CDH13: variants seen among roughly 807,000 people sequenced by gnomAD.
CDH13 encodes the protein cadherin 13, also known as cadherin-13.
A neutral mutation model predicts 63.8 loss-of-function variants in CDH13; 24 were observed. The ratio of observed to expected loss-of-function variants is 0.38; its 90% CI spans 0.27 to 0.53. The LOEUF (loss-of-function observed/expected upper bound fraction) is 0.53, where lower values mean the gene tolerates loss of function less well. Among genes scored for constraint, CDH13 ranks in the 20% least tolerant of loss-of-function variants. CDH13 has a pLI of 0.85. For missense variants in CDH13, 1,049 were observed against 903.1 expected, an observed-to-expected ratio of 1.16 and a Z score of -2.07; for synonymous variants, 503 against 355.3, an observed-to-expected ratio of 1.42 and a Z score of -4.67.
chr16:83,606,631 G>T, intron 8 of CDH13, among the ~76,000 whole-genome samples: 1 of 151,426 alleles, frequency 6.6e-6, no homozygotes, highest in East Asian at 1.9e-4. Context: ...GGAGGCTGCG[G>T]TAGGAGGATC....
At chr16:82,705,069 T>G (rs1280305783) in intron 1 of CDH13, 1 of 446,746 alleles carries the variant, frequency 2.2e-6, no homozygotes, top group East Asian at 7.0e-5. Context: ...TAGACACCAG[T>G]GAGGCCTACC....
At chr16:83,708,537 C>A (rs948129909) in intron 10 of CDH13, among the ~76,000 whole-genome samples, 1 of 152,154 alleles carries the variant, frequency 6.6e-6, no homozygotes, top group Non-Finnish European at 1.5e-5. Flanking sequence ...GAATTCATAG[C>A]CTTTGTGGCC....
At chr16:83,501,508 G>T (rs1475862178) in intron 7 of CDH13, among the ~76,000 whole-genome samples, 1 of 152,140 alleles carries the variant, frequency 6.6e-6, no homozygotes, top group Non-Finnish European at 1.5e-5. Flanking sequence ...ATAGGTGTGA[G>T]ACAGTTTATG....
At chr16:83,764,604 G>T (rs1230518138) in intron 11 of CDH13, among the ~76,000 whole-genome samples, 1 of 151,904 alleles carries the variant, frequency 6.6e-6, no homozygotes, top group Non-Finnish European at 1.5e-5. Flanking sequence ...CCTCTGTGAG[G>T]CTCCCACCCC....
intron 6 of CDH13, among the ~76,000 whole-genome samples, chr16:83,442,587 C>T (rs1310103912): frequency 6.6e-6 from 1 of 152,038 alleles, no homozygotes; most frequent in Non-Finnish European, 1.5e-5. Flanking sequence ...GATTTATAGT[C>T]AATACTTCAG....
chr16:83,665,157 C>T (rs1157570337), intron 8 of CDH13, among the ~76,000 whole-genome samples: 2 of 147,608 alleles, frequency 1.4e-5, no homozygotes, highest in South Asian at 2.2e-4. Context: ...GTGTGAGTGC[C>T]AGGCATACAT....
rs557839957 is a variant in CDH13, at chr16:83,572,248, G to A, written c.961-30206G>A. On this transcript the variant is annotated intron_variant, in intron 7 of 13. Coordinates refer to ENST00000567109, the MANE Select transcript of CDH13 (RefSeq NM_001257.5). ...GTTGCCCAGGTTGGAGTGCAATGGCGTGATCTTAGCTCATTGCAATCTCTG... is the reference window on the plus strand; with the variant it reads ...GTTGCCCAGGTTGGAGTGCAATGGCATGATCTTAGCTCATTGCAATCTCTG... 1.2e-3 allele frequency among the ~76,000 whole-genome samples: 177 copies of A among 151,582 alleles called. 1 individual carries two copies. Among genetic ancestry groups the A allele is most frequent in the Non-Finnish European group, 4.3e-4 (29 of 67,890 alleles).
chr16:83,689,040 G>A (rs1904587361), intron 10 of CDH13, among the ~76,000 whole-genome samples: 1 of 152,106 alleles, frequency 6.6e-6, no homozygotes, highest in Non-Finnish European at 1.5e-5. Flanking sequence ...TTGGGTAAAT[G>A]GATGAAAGGC....
At chr16:82,668,608 G>T (rs1411712607) in intron 1 of CDH13, among the ~76,000 whole-genome samples, 1 of 152,136 alleles carries the variant, frequency 6.6e-6, no homozygotes, top group Non-Finnish European at 1.5e-5. Flanking sequence ...AGAGTTTGAG[G>T]CCCTGTCTTT....
intron 5 of CDH13, among the ~76,000 whole-genome samples, chr16:83,229,960 A>T (rs4782755): frequency 0.99 from 150,725 of 152,262 alleles, 74,622 homozygotes; most frequent in Middle Eastern, 1. Context: ...GTGACTGGAT[A>T]GTCAGTGTTT....
intron 5 of CDH13, among the ~76,000 whole-genome samples, chr16:83,330,387 G>A (rs748977872): frequency 1.1e-4 from 17 of 152,170 alleles, no homozygotes; most frequent in African/African-American, 2.4e-4. Flanking sequence ...ACAACTGCAC[G>A]TGAATAAAAA....
rs1555561345 is a variant in CDH13 at position 83,010,154 on chromosome 16, A to AAAG, written c.158-21854_158-21853insGAA. Among the ~76,000 whole-genome samples, 34 of 147,672 alleles carry AAAG rather than the reference A, an allele frequency of 2.3e-4. 1 individual carries two copies. Among genetic ancestry groups the AAAG allele is most frequent in the African/African-American group, 8.5e-4 (34 of 40,204 alleles). On this transcript the variant is annotated intron_variant, in intron 2 of 13. Transcript: ENST00000567109. ...CTGTCTCAAAAAAAAAAAAAAAAAAAAAAAAAAACAAGAATGGCTCAGGTA... is the reference window on the plus strand; with the variant it reads ...CTGTCTCAAAAAAAAAAAAAAAAAAAAAGAAAAAAAACAAGAATGGCTCAGGTA...
Position 82,710,552 on chromosome 16 carries a change from AATAT to A in CDH13, c.45+83437_45+83440del, listed in dbSNP as rs1555537840. 2.1e-3 allele frequency among the ~76,000 whole-genome samples: 131 copies of A among 63,770 alleles called. 2 individuals are homozygous for A. Among genetic ancestry groups the A allele is most frequent in the Middle Eastern group, 0.018 (1 of 56 alleles). 41.8% of individuals were successfully genotyped at this position (63,770 alleles called of 152,430 possible). On this transcript the variant is annotated intron_variant, in intron 1 of 13. Coordinates refer to ENST00000567109, the MANE Select transcript of CDH13 (RefSeq NM_001257.5). ...TGTCTCAAAAAAAAAAAAAAAAAAA[AATAT>A]ATATATATATATATATATATAAATA... is the stretch of plus-strand genomic sequence containing the variant.
chr16:83,748,008 G>A (rs1912746976), intron 10 of CDH13, 100 bp from the exon 11 acceptor site: 2 of 1,293,108 alleles, frequency 1.5e-6, no homozygotes, highest in African/African-American at 2.9e-5. Flanking sequence ...TTGTTACCTA[G>A]GATCCAGCAC....
At chr16:83,409,826 AAGT>A (rs2092101081) in intron 6 of CDH13, among the ~76,000 whole-genome samples, 1 of 152,236 alleles carries the variant, frequency 6.6e-6, no homozygotes, top group South Asian at 2.1e-4. Context: ...GGATATCAGT[AAGT>A]CTGGGTTATT....
At chr16:83,155,308 G>A (rs903510770) in intron 4 of CDH13, among the ~76,000 whole-genome samples, 2 of 152,152 alleles carry the variant, frequency 1.3e-5, no homozygotes, top group African/African-American at 4.8e-5. Context: ...AAATTGCATG[G>A]TGTCAAAATT....
At chr16:83,517,920 G>A (rs563757982) in intron 7 of CDH13, among the ~76,000 whole-genome samples, 8 of 152,136 alleles carry the variant, frequency 5.3e-5, no homozygotes, top group East Asian at 1.9e-4. Flanking sequence ...TATTATTATC[G>A]TTCTCATTTT....
rs562310269 is a variant in CDH13, at chr16:83,486,542, C to T, written c.847C>T (p.Arg283Trp). 12 of 1,613,848 alleles carry T rather than the reference C, an allele frequency of 7.4e-6. No homozygotes were observed. The highest frequency in any genetic ancestry group is 1.7e-4 in the Middle Eastern group (1 of 6,056). The change falls in exon 7 of 14, where the codon CGG becomes TGG. Residue 283 changes from arginine to tryptophan, a missense_variant. Physicochemically the swap from Arg to Trp is moderately radical, Grantham distance 101. Coordinates refer to ENST00000567109, the MANE Select transcript of CDH13 (RefSeq NM_001257.5). ...DDPATDNALLRYNIRQQTPDK... is the reference protein window; with the variant it reads ...DDPATDNALLWYNIRQQTPDK... The stretch of plus-strand genomic sequence containing the variant: ...CCCAGCCACCGATAATGCCCTCCTG[C>T]GGTATAATATCCGTCAGCAGACGCC...
chr16:83,082,057 C>T lies in CDH13; in HGVS notation c.367-43328C>T, dbSNP rs577157518. ...TCAGGTGATCTGCCCGCCTCGGCCT[C>T]CCAAAGTGCTGGGATTACAGGCCTG... On this transcript the variant is annotated intron_variant, in intron 3 of 13. Transcript: ENST00000567109. 9.2e-5 allele frequency among the ~76,000 whole-genome samples: 14 copies of T among 152,284 alleles called. 1 individual carries two copies. The South Asian group carries it at 2.9e-3, about 32-fold the overall frequency.
Sources: gnomAD v4.1 joint callset for allele counts (sites outside exome capture counted in the v4.1 genomes callset) on GRCh38, gnomAD v4.1.1 for gene constraint, MANE v1.5 for transcripts, NCBI Gene and HGNC (gene_info 2026-07-23, HGNC 2026-07-21) for gene names.